Variants in VTI1A observed in about 807,000 individuals in gnomAD.
The protein encoded by VTI1A is vesicle transport through interaction with t-SNAREs 1A, also known as vesicle transport through interaction with t-SNAREs homolog 1A.
In VTI1A, 22 loss-of-function variants were observed where a neutral mutation model predicts 34.9. The ratio of observed to expected loss-of-function variants is 0.63; its 90% CI spans 0.45 to 0.90. The LOEUF is 0.90. VTI1A is among the 40% of genes least tolerant of loss of function. The probability of loss-of-function intolerance (pLI) is 0.00; values close to 1 mark genes in which losing one functional copy is unlikely to be tolerated. For missense variants in VTI1A, 268 were observed against 275.6 expected, an observed-to-expected ratio of 0.97 and a Z score of 0.20; for synonymous variants, 87 against 97.3, an observed-to-expected ratio of 0.89 and a Z score of 0.62.
intron 5 of VTI1A, among the ~76,000 whole-genome samples, chr10:112,554,318 A>G (rs910993682): frequency 3.9e-5 from 6 of 152,328 alleles, no homozygotes; most frequent in Non-Finnish European, 7.4e-5. Flanking sequence ...ACTTAACATA[A>G]TGCAAGTTCT....
chr10:112,570,532 A>G (rs1336735723), intron 5 of VTI1A, among the ~76,000 whole-genome samples: 4 of 152,244 alleles, frequency 2.6e-5, no homozygotes, highest in Non-Finnish European at 5.9e-5. Context: ...GTGAATGCTG[A>G]CCCATATTTT....
At chr10:112,765,289 A>G (rs1851609521) in intron 7 of VTI1A, among the ~76,000 whole-genome samples, 1 of 152,202 alleles carries the variant, frequency 6.6e-6, no homozygotes, top group Non-Finnish European at 1.5e-5. Context: ...GGCTTACTGC[A>G]GCCTCCACCT....
chr10:112,552,679 T>TA (rs1851402933), intron 5 of VTI1A, among the ~76,000 whole-genome samples: 1 of 152,186 alleles, frequency 6.6e-6, no homozygotes, highest in Non-Finnish European at 1.5e-5. Flanking sequence ...GCCTCACTGA[T>TA]ACTGCCTGCC....
intron 5 of VTI1A, among the ~76,000 whole-genome samples, chr10:112,643,659 G>A (rs117536501): frequency 0.028 from 4,328 of 152,014 alleles, 91 homozygotes; most frequent in Non-Finnish European, 0.046. Flanking sequence ...GAGAATCATC[G>A]AGAGAATCTC....
intron 7 of VTI1A, among the ~76,000 whole-genome samples, chr10:112,758,345 C>T (rs1564914254): frequency 1.3e-5 from 2 of 152,134 alleles, no homozygotes; most frequent in Admixed American, 6.5e-5. Flanking sequence ...ACCTCCACCA[C>T]CTATGTCTAC....
At chr10:112,618,524 T>TATATATATATATATATAGAGAG (rs748276058) in intron 5 of VTI1A, among the ~76,000 whole-genome samples, 4 of 34,582 alleles carry the variant, frequency 1.2e-4, no homozygotes, top group Non-Finnish European at 1.7e-4. Context: ...TATATATATA[T>TATATATATATATATATAGAGAG]AGAGAGAGAG....
intron 7 of VTI1A, among the ~76,000 whole-genome samples, chr10:112,679,699 A>G (rs1053798149): frequency 3.3e-5 from 5 of 152,038 alleles, no homozygotes; most frequent in African/African-American, 1.2e-4. Flanking sequence ...ATTATAGTTT[A>G]CCTAGGAAAA....
At chr10:112,624,629 G>T (rs754285190) in intron 5 of VTI1A, among the ~76,000 whole-genome samples, 4 of 152,060 alleles carry the variant, frequency 2.6e-5, no homozygotes, top group Non-Finnish European at 4.4e-5. Flanking sequence ...TCGAAGACAC[G>T]TAGGGTACTT....
At chr10:112,550,343 C>T (rs942041355) in intron 5 of VTI1A, among the ~76,000 whole-genome samples, 238 of 105,306 alleles carry the variant, frequency 2.3e-3, no homozygotes, top group Non-Finnish European at 3.3e-3. Flanking sequence ...CTTCTAGTGC[C>T]AGAAGGTTTT....
At chr10:112,519,659 A>G (rs1589855928) in intron 3 of VTI1A, among the ~76,000 whole-genome samples, 1 of 152,200 alleles carries the variant, frequency 6.6e-6, no homozygotes, top group East Asian at 1.9e-4. Context: ...AAGTGAAAAG[A>G]ACACTGGCAT....
At chr10:112,846,776 A>G in the VTI1A span, among the ~76,000 whole-genome samples, 3 of 151,820 alleles carry the variant, frequency 2.0e-5, no homozygotes, top group East Asian at 1.9e-4. Flanking sequence ...AAAAAAAAAA[A>G]AAAAAAGAAA....
At chr10:112,552,628 A>G (rs1186819194) in intron 5 of VTI1A, among the ~76,000 whole-genome samples, 1 of 151,528 alleles carries the variant, frequency 6.6e-6, no homozygotes, top group Non-Finnish European at 1.5e-5. Flanking sequence ...AAAACCATTG[A>G]CTCTAAAAGG....
At chr10:112,577,342 T>C (rs1843747140) in intron 5 of VTI1A, among the ~76,000 whole-genome samples, 1 of 152,228 alleles carries the variant, frequency 6.6e-6, no homozygotes, top group African/African-American at 2.4e-5. Flanking sequence ...AAATTTTTTA[T>C]TACATATCCT....
At chr10:112,752,258 C>T (rs1400818797) in intron 7 of VTI1A, 2 of 513,708 alleles carry the variant, frequency 3.9e-6, no homozygotes, top group African/African-American at 4.2e-5. Context: ...TCAGGAGCTA[C>T]CAGGACTGAA....
chr10:112,566,172 T>C (rs1851897053), intron 5 of VTI1A, among the ~76,000 whole-genome samples: 1 of 152,102 alleles, frequency 6.6e-6, no homozygotes, highest in Admixed American at 6.5e-5. Flanking sequence ...ATGAAAGATA[T>C]GAAACTTCAA....
intron 3 of VTI1A, among the ~76,000 whole-genome samples, chr10:112,516,789 T>C (rs912660169): frequency 6.6e-6 from 1 of 152,076 alleles, no homozygotes; most frequent in Non-Finnish European, 1.5e-5. Context: ...ATTTGTGTAA[T>C]GAAGGAGAGA....
chr10:112,591,354 A>G (rs1042799169), intron 5 of VTI1A, among the ~76,000 whole-genome samples: 3 of 152,164 alleles, frequency 2.0e-5, no homozygotes, highest in Admixed American at 6.5e-5. Context: ...CCCTGTCTCT[A>G]CTAACAATAC....
chr10:112,697,866 A>G (rs34149287), intron 7 of VTI1A, among the ~76,000 whole-genome samples: 20,209 of 134,920 alleles, frequency 0.15, 1,825 homozygotes, highest in African/African-American at 0.26. Flanking sequence ...TAGCATTTAC[A>G]TGTGTGTGTG....
intron 3 of VTI1A, among the ~76,000 whole-genome samples, chr10:112,512,424 G>A (rs1849644167): frequency 6.6e-6 from 1 of 151,934 alleles, no homozygotes; most frequent in South Asian, 2.1e-4. Context: ...AGAATTGTTT[G>A]AGTTCCTTAT....
Sources: gnomAD v4.1 joint callset for allele counts (sites outside exome capture counted in the v4.1 genomes callset) on GRCh38, gnomAD v4.1.1 for gene constraint, MANE v1.5 for transcripts, NCBI Gene and HGNC (gene_info 2026-07-23, HGNC 2026-07-21) for gene names.